Variants in PDILT observed in about 807,000 individuals in gnomAD.
PDILT encodes the protein protein disulfide-isomerase-like protein of the testis.
Under a neutral mutation model 53.7 loss-of-function variants are expected in PDILT, and 43 were observed. The observed-to-expected ratio is 0.80, with a 90% CI of 0.63 to 1.03. The LOEUF is 1.03. Among genes scored for constraint, PDILT ranks in the 50% least tolerant of loss-of-function variants. The pLI, the probability that PDILT is intolerant of heterozygous loss-of-function variation, is 0.00. For synonymous variants in PDILT, 282 were observed against 274.2 expected (o/e 1.03, Z -0.28); for missense variants, 727 against 712.3 (o/e 1.02, Z -0.24).
intron 3 of PDILT, 55 bp downstream of exon 3, chr16:20,384,590 T>G: frequency 1.2e-6 from 2 of 1,602,166 alleles, no homozygotes; most frequent in Non-Finnish European, 1.7e-6. Flanking sequence ...ACCCTATAGC[T>G]GTTAAGTGGA....
At chr16:20,371,339 G>A (rs994615139) in intron 7 of PDILT, among the ~76,000 whole-genome samples, 5 of 152,188 alleles carry the variant, frequency 3.3e-5, no homozygotes, top group Admixed American at 1.3e-4. Flanking sequence ...AGTGGAAGCA[G>A]GGAGATGAGT....
At chr16:20,372,980 C>T (rs1282235111) in intron 6 of PDILT, 32 bp downstream of exon 6, 6 of 1,613,430 alleles carry the variant, frequency 3.7e-6, no homozygotes, top group Admixed American at 3.3e-5. Context: ...GGCCCCAGCT[C>T]CCCTTCCTCC....
chr16:20,369,252 C>A (rs1966264694), intron 8 of PDILT, among the ~76,000 whole-genome samples: 1 of 152,190 alleles, frequency 6.6e-6, no homozygotes, highest in African/African-American at 2.4e-5. Flanking sequence ...TTGTGAATTC[C>A]TGCAAAGGAA....
intron 2 of PDILT, among the ~76,000 whole-genome samples, chr16:20,393,521 G>C (rs1266331267): frequency 6.6e-6 from 1 of 152,214 alleles, no homozygotes; most frequent in East Asian, 1.9e-4. Flanking sequence ...AGAAAAAGAA[G>C]GTGATTCATG....
rs183885383 is a variant in PDILT, at chr16:20,365,807, G to T, written c.1117-267C>A. On this transcript the variant is annotated intron_variant, in intron 8 of 11. Transcript: ENST00000302451. ...TTTATAAAAAGAAGATTTAAGCCGG[G>T]CGCGGTGGCTCACGCCTATAATCAC... 7.4e-3 allele frequency among the ~76,000 whole-genome samples: 1,123 copies of T among 151,778 alleles called. 23 individuals are homozygous for T. Among genetic ancestry groups the T allele is most frequent in the African/African-American group, 0.026 (1,088 of 41,138 alleles).
In PDILT at chr16:20,384,711, T is replaced by A; in HGVS notation, c.343A>T (p.Ile115Phe). 6.2e-7 allele frequency: 1 copy of A among 1,614,218 alleles called. No individual in the cohort carries two copies. The highest frequency in any genetic ancestry group is 2.2e-5 in the East Asian group (1 of 44,888). The change falls in exon 3 of 12, where the codon ATT (isoleucine) becomes TTT (phenylalanine). Residue 115 changes from isoleucine to phenylalanine, a missense_variant. Ile to Phe is a conservative substitution (Grantham distance 21). Coordinates refer to ENST00000302451, the MANE Select transcript of PDILT (RefSeq NM_174924.2). ...IEKELQQEFG[I>F]TKAPELKLFF... ...AGCTTCAACTCCGGGGCCTTGGTAA[T>A]CCCAAACTCCTGCTGAAGCTCCTTC... is the stretch of plus-strand genomic sequence containing the variant.
At chr16:20,374,705 A>G (rs899743865) in intron 5 of PDILT, 117 bp downstream of exon 5, 2 of 1,187,702 alleles carry the variant, frequency 1.7e-6, no homozygotes, top group African/African-American at 3.1e-5. Flanking sequence ...ACAGAAGTCA[A>G]CTAGTCCAAT....
At chr16:20,397,117 T>C (rs1041156773) in intron 2 of PDILT, among the ~76,000 whole-genome samples, 2 of 152,184 alleles carry the variant, frequency 1.3e-5, no homozygotes, top group Admixed American at 6.5e-5. Flanking sequence ...GAGTTATAAA[T>C]TTTATGTATG....
intron 9 of PDILT, 102 bp from the exon 10 acceptor site, chr16:20,362,684 G>A: frequency 9.0e-7 from 1 of 1,112,388 alleles, no homozygotes; most frequent in Middle Eastern, 2.1e-4. Context: ...TGGTCCTGCT[G>A]TTTTGCCAAT....
At chr16:20,372,198 C>G (rs1426805295) in intron 7 of PDILT, among the ~76,000 whole-genome samples, 1 of 152,166 alleles carries the variant, frequency 6.6e-6, no homozygotes, top group Non-Finnish European at 1.5e-5. Context: ...GATTGTAAAG[C>G]TCATTGCTTT....
intron 11 of PDILT, among the ~76,000 whole-genome samples, chr16:20,360,311 C>T (rs1966080358): frequency 6.6e-6 from 1 of 151,922 alleles, no homozygotes; most frequent in African/African-American, 2.4e-5. Context: ...GGGAAGCGGC[C>T]CAAGGCAAGG....
chr16:20,371,754 G>T (rs1256401270), intron 7 of PDILT, among the ~76,000 whole-genome samples: 1 of 151,940 alleles, frequency 6.6e-6, no homozygotes, highest in Non-Finnish European at 1.5e-5. Context: ...ATTGACTACT[G>T]TAAAATAGGA....
Position 20,377,750 on chromosome 16 carries a change from C to A in PDILT, c.410-1549G>T, listed in dbSNP as rs542847878. Among the ~76,000 whole-genome samples the A allele has an allele frequency of 5.3e-5, 8 of 152,052 alleles. No individual in the cohort carries two copies. The South Asian group carries it at 1.0e-3, about 20-fold the overall frequency. On this transcript the variant is annotated intron_variant, in intron 3 of 11. Transcript: ENST00000302451. ...AGGGCGGATCACAAGGTCAGGAGAT[C>A]GAGACAATCCTGGCTAACACAGTGA...
In PDILT at chr16:20,369,028, G is replaced by A. The variant is rs989211095; in HGVS notation, c.1116+464C>T. Among the ~76,000 whole-genome samples the A allele has an allele frequency of 5.3e-5, 8 of 152,160 alleles. No individual in the cohort carries two copies. The East Asian group carries it at 1.2e-3, about 22-fold the overall frequency. The stretch of plus-strand genomic sequence containing the variant: ...TCTGCAGCCTCTCCTTCCTGTCAGC[G>A]AAATAGACTATGCCCTTTCTAACCC... On this transcript the variant is annotated intron_variant, in intron 8 of 11. Coordinates refer to ENST00000302451, the MANE Select transcript of PDILT (RefSeq NM_174924.2).
chr16:20,360,756 C>T (rs183590048), intron 10 of PDILT, 99 bp from the exon 11 acceptor site: 5 of 837,518 alleles, frequency 6.0e-6, no homozygotes, highest in Middle Eastern at 6.0e-4. Flanking sequence ...TTCCTAACAA[C>T]CCCGGGTATG....
intron 2 of PDILT, among the ~76,000 whole-genome samples, chr16:20,385,262 A>T (rs1966519305): frequency 6.6e-6 from 1 of 152,232 alleles, no homozygotes; most frequent in African/African-American, 2.4e-5. Flanking sequence ...CCTCTCTATA[A>T]CTCTGTGGGA....
intron 11 of PDILT, 100 bp downstream of exon 11, chr16:20,360,468 C>A: frequency 8.9e-7 from 1 of 1,128,984 alleles, no homozygotes; most frequent in South Asian, 1.3e-5. Flanking sequence ...AACCATCTCC[C>A]AAGATTATGG....
rs77646679 is a variant in PDILT at position 20,382,789 on chromosome 16, G to A, written c.409+1856C>T. Among the ~76,000 whole-genome samples the A allele has an allele frequency of 1.3e-3, 200 of 152,252 alleles. 4 individuals are homozygous for A. In the East Asian group the frequency reaches 0.033, roughly 25 times the overall value. On this transcript the variant is annotated intron_variant, in intron 3 of 11. Transcript: ENST00000302451. ...ACAGATGGAAAAACTGAGATTCGAC[G>A]AGCGGCAGTGATTGTTTCTTAAGCC...
At chr16:20,368,291 G>A (rs1276173847) in intron 8 of PDILT, among the ~76,000 whole-genome samples, 3 of 152,182 alleles carry the variant, frequency 2.0e-5, no homozygotes, top group Non-Finnish European at 2.9e-5. Flanking sequence ...TCCTCAGAGA[G>A]TGAAGGCAGA....
Sources: allele counts gnomAD v4.1 joint callset (sites outside exome capture counted in the v4.1 genomes callset), GRCh38; gene constraint gnomAD v4.1.1; transcripts MANE v1.5; gene names NCBI Gene and HGNC (gene_info 2026-07-23, HGNC 2026-07-21).